Variants in RNF213 observed in about 807,000 individuals in gnomAD.
RNF213 encodes ring finger protein 213, also known as E3 ubiquitin-protein ligase RNF213.
A neutral mutation model predicts 514.4 loss-of-function variants in RNF213; 341 were observed. The ratio of observed to expected loss-of-function variants is 0.66; its 90% CI spans 0.61 to 0.73. The LOEUF is 0.73. RNF213 is among the 30% of genes least tolerant of loss of function. RNF213 has a pLI of 0.00. For missense variants in RNF213, 5,767 were observed against 6,615.6 expected (o/e 0.87, Z 4.45); for synonymous variants, 2,655 against 2,658.2 (o/e 1.00, Z 0.04).
chr17:80,371,225 C>A (rs1221453817), intron 46 of RNF213, among the ~76,000 whole-genome samples: 1 of 152,252 alleles, frequency 6.6e-6, no homozygotes, highest in Non-Finnish European at 1.5e-5. Context: ...CACATTGCAA[C>A]TAACCTCTAG....
intron 15 of RNF213, 121 bp downstream of exon 15, chr17:80,313,288 G>T: frequency 7.8e-7 from 1 of 1,275,772 alleles, no homozygotes; most frequent in South Asian, 1.2e-5. Context: ...CTGAGCCTCA[G>T]TTCTTCATCT....
In RNF213 at chr17:80,373,253, TA is replaced by T. The variant is rs548132589; in HGVS notation, c.12942+89del. On this transcript the variant is annotated intron_variant, in intron 49 of 67. Transcript: ENST00000582970. Reference sequence around the variant, plus strand: ...CACACACCCCCCTACCCTCACACCCTACCCCCCCCACACCCCACCCCCTCAC... The same window carrying T: ...CACACACCCCCCTACCCTCACACCCTCCCCCCCCACACCCCACCCCCTCAC... 18 of 824,048 alleles carry T rather than the reference TA, an allele frequency of 2.2e-5. No homozygotes were observed. The African/African-American group carries it at 3.8e-4, about 18-fold the overall frequency. The allele number at this position is 824,048 out of a possible 1,614,324, so 51.0% of individuals were successfully genotyped here.
At chr17:80,324,590 T>C (rs2046230070) in intron 17 of RNF213, among the ~76,000 whole-genome samples, 1 of 152,192 alleles carries the variant, frequency 6.6e-6, no homozygotes, top group Non-Finnish European at 1.5e-5. Context: ...AAATATTGTT[T>C]CTCGGAGGAG....
At chr17:80,388,104 C>T in intron 63 of RNF213, among the ~76,000 whole-genome samples, 1 of 152,164 alleles carries the variant, frequency 6.6e-6, no homozygotes. Context: ...GCTGGGACTA[C>T]AGGCGCCCGC....
rs1189587569 is a variant in RNF213, at chr17:80,289,799, A to T, written c.1074A>T (p.Gln358His). Reference protein sequence around the residue: ...SAAAVKNEKEQKNQEADVQEV... With the variant: ...SAAAVKNEKEHKNQEADVQEV... ...CTGCTGTGAAAAACGAGAAGGAGCAAAAAAACCAGGAAGCAGATGTCCAGG... is the reference window on the plus strand; with the variant it reads ...CTGCTGTGAAAAACGAGAAGGAGCATAAAAACCAGGAAGCAGATGTCCAGG... Residue 358 changes from glutamine to histidine, a missense_variant, in exon 6 of 68, where the codon CAA becomes CAT. Coordinates refer to ENST00000582970, the MANE Select transcript of RNF213 (RefSeq NM_001256071.3). 8 of 1,613,066 alleles carry T rather than the reference A, an allele frequency of 5.0e-6. No individual in the cohort carries two copies. In the South Asian group the frequency reaches 8.8e-5, roughly 18 times the overall value.
intron 21 of RNF213, 118 bp from the exon 22 acceptor site, chr17:80,333,987 G>T: frequency 1.4e-5 from 17 of 1,172,972 alleles, no homozygotes; most frequent in Non-Finnish European, 1.9e-5. Flanking sequence ...TGTCACAGCA[G>T]TGGCAAATCT....
At chr17:80,362,380 T>A (rs1464086776) in intron 39 of RNF213, among the ~76,000 whole-genome samples, 1 of 152,164 alleles carries the variant, frequency 6.6e-6, no homozygotes, top group Admixed American at 6.5e-5. Context: ...ATACCCTAAG[T>A]TTTAAAAAAT....
intron 49 of RNF213, among the ~76,000 whole-genome samples, chr17:80,373,843 GA>G (rs559730039): frequency 3.3e-5 from 5 of 149,752 alleles, no homozygotes; most frequent in African/African-American, 7.4e-5. Context: ...CTACTTCAAA[GA>G]AAAAAAAAAT....
chr17:80,345,646 G>T lies in RNF213; in HGVS notation c.7311G>T (p.Arg2437=). The T allele has an allele frequency of 6.2e-7, 1 of 1,614,238 alleles. No homozygotes were observed. The highest frequency in any genetic ancestry group is 8.5e-7 in the Non-Finnish European group (1 of 1,180,050). ...TRLIKFLSDL[R]RGGTNADTIK... is the part of the protein sequence containing the mutation. ...TTATTAAATTCCTTAGCGACCTGCGGCGTGGTGGTACCAATGCTGACACCA... is the reference window on the plus strand; with the variant it reads ...TTATTAAATTCCTTAGCGACCTGCGTCGTGGTGGTACCAATGCTGACACCA... Residue 2437 remains arginine (R), a synonymous_variant, in exon 29 of 68, where the codon CGG becomes CGT. Transcript: ENST00000582970. This position sits in a 1 kb window ranked among gnomAD's most constrained non-coding sequence, Gnocchi z 6.0.
At position 80,347,793 on chromosome 17, in the gene RNF213, A is replaced by G; in HGVS notation, c.9458A>G (p.Glu3153Gly). 6.2e-7 allele frequency: 1 copy of G among 1,614,228 alleles called. No individual in the cohort carries two copies. The highest frequency in any genetic ancestry group is 8.5e-7 in the Non-Finnish European group (1 of 1,180,048). ...AACTTCCGCCTGATTGTCATTGAAG[A>G]GAAAGACGTCGTGTACAAACACTTT... ...HPNFRLIVIE[E>G]KDVVYKHFPI... Residue 3153 changes from glutamate (E) to glycine (G), a missense_variant, in exon 29 of 68, where the codon GAG becomes GGG. Physicochemically the swap from Glu to Gly is moderately conservative, Grantham distance 98. This residue lies in a region of RNF213 where 919 missense variants were observed against 1,121.0 expected (regional missense o/e 0.82). Transcript: ENST00000582970. This position sits in a 1 kb window ranked among gnomAD's most constrained non-coding sequence, Gnocchi z 7.2.
Position 80,354,043 on chromosome 17 carries a change from C to G in RNF213, c.10603C>G (p.Leu3535Val). The change falls in exon 35 of 68, where the codon CTG (leucine) becomes GTG (valine). Residue 3535 changes from leucine (L) to valine (V), a missense_variant. Around this residue, in one of 13 missense-constraint regions of RNF213, gnomAD observed 919 missense variants for 1,121.0 expected, o/e 0.82. Transcript: ENST00000582970. ...SDVSILDTTRLLRSCVQSAVG... is the reference protein window; with the variant it reads ...SDVSILDTTRVLRSCVQSAVG... The stretch of plus-strand genomic sequence containing the variant: ...GGTGTCGATCCTGGACACCACCAGG[C>G]TGCTGAGAAGCTGTGTGCAGAGCGC... 6.2e-7 allele frequency: 1 copy of G among 1,613,950 alleles called. No homozygotes were observed. Among genetic ancestry groups the G allele is most frequent in the Non-Finnish European group, 8.5e-7 (1 of 1,180,030 alleles).
chr17:80,380,542 T>C (rs1568161779), intron 55 of RNF213, among the ~76,000 whole-genome samples: 1 of 152,072 alleles, frequency 6.6e-6, no homozygotes, highest in Non-Finnish European at 1.5e-5. Context: ...AAGACTTCAG[T>C]GGAAAAGACG....
chr17:80,310,417 T>C (rs1476216532), intron 14 of RNF213, among the ~76,000 whole-genome samples: 1 of 151,618 alleles, frequency 6.6e-6, no homozygotes, highest in African/African-American at 2.4e-5. Context: ...CACACCCAGC[T>C]AATTTTTGTA....
rs2078648009 is a variant in RNF213, at chr17:80,354,278, C to T, written c.10726+112C>T. 4.7e-6 allele frequency: 7 copies of T among 1,500,464 alleles called. No homozygotes were observed. The Admixed American group carries it at 1.2e-4, about 25-fold the overall frequency. The allele number at this position is 1,500,464 out of a possible 1,614,324, so 92.9% of individuals were successfully genotyped here. On this transcript the variant is annotated intron_variant, in intron 35 of 67. Coordinates refer to ENST00000582970, the MANE Select transcript of RNF213 (RefSeq NM_001256071.3). The stretch of plus-strand genomic sequence containing the variant: ...ACCCTCTCAGGTTTCCATGGCTCAG[C>T]AGAAGCAGTGACACAGTGGGAATCT...
chr17:80,332,226 G>C lies in RNF213; in HGVS notation c.3738G>C (p.Glu1246Asp), dbSNP rs549196517. ...FWREAAEPLSEPKEDQEAAEL... is the reference protein window; with the variant it reads ...FWREAAEPLSDPKEDQEAAEL... ...GGGAAGCCGCAGAGCCGCTGAGTGAGCCTAAGGAGGACCAGGAAGCCGCAG... is the reference window on the plus strand; with the variant it reads ...GGGAAGCCGCAGAGCCGCTGAGTGACCCTAAGGAGGACCAGGAAGCCGCAG... Residue 1246 changes from glutamate to aspartate, a missense_variant, in exon 21 of 68, where the codon GAG becomes GAC. By Grantham distance (45) the Glu-to-Asp change is conservative (BLOSUM62 2). Transcript: ENST00000582970. 9 of 1,537,218 alleles carry C rather than the reference G, an allele frequency of 5.9e-6. No homozygotes were observed. The Admixed American group carries it at 1.8e-4, about 30-fold the overall frequency.
Position 80,343,907 on chromosome 17 carries a change from C to G in RNF213, c.6234C>G (p.Tyr2078Ter). Residue 2078 changes from tyrosine (Y) to a stop codon, truncating the protein, a stop_gained, in exon 28 of 68, where the codon TAC becomes TAG. Transcript: ENST00000582970. LOFTEE classifies it high-confidence loss of function. The surrounding 1 kb of genome is among the most constrained non-coding windows in gnomAD (Gnocchi z 4.3). ...VFLFKLLILQ[Y>*]LMDINGKMWL... ...TTTTCAAGCTCCTCATTTTACAATA[C>G]TTAATGGATATAAATGGGAAAATGT... 1.2e-6 allele frequency: 2 copies of G among 1,614,156 alleles called. No homozygotes were observed. The highest frequency in any genetic ancestry group is 1.7e-6 in the Non-Finnish European group (2 of 1,180,004).
chr17:80,352,390 AGACTCCC>A (rs1451607979), intron 32 of RNF213: 7 of 281,692 alleles, frequency 2.5e-5, no homozygotes, highest in Non-Finnish European at 2.7e-5. Context: ...CACGGCGTGG[AGACTCCC>A]GACTCCCGAC....
intron 36 of RNF213, among the ~76,000 whole-genome samples, chr17:80,357,501 G>T (rs1319487406): frequency 6.6e-6 from 1 of 152,034 alleles, no homozygotes; most frequent in Non-Finnish European, 1.5e-5. Flanking sequence ...GTGCCTTCTT[G>T]TTTAGTTTGA....
chr17:80,361,699 G>A (rs760068027), intron 38 of RNF213, 35 bp from the exon 39 acceptor site: 21 of 1,608,966 alleles, frequency 1.3e-5, no homozygotes, highest in East Asian at 1.1e-4. Context: ...TGACTTAGAC[G>A]CACTCCAGGC....
Sources: gnomAD v4.1 joint callset for allele counts (sites outside exome capture counted in the v4.1 genomes callset) on GRCh38, gnomAD v4.1.1 for gene constraint, gnomAD v4.1.1 regional missense constraint, Gnocchi (gnomAD v3.1) non-coding constraint, MANE v1.5 for transcripts, NCBI Gene and HGNC (gene_info 2026-07-23, HGNC 2026-07-21) for gene names.